Variants in AOAH observed in about 807,000 individuals in gnomAD.
AOAH encodes the protein acyloxyacyl hydrolase.
Under a neutral mutation model 92.2 loss-of-function variants are expected in AOAH, and 64 were observed. The observed-to-expected ratio is 0.69, with a 90% CI of 0.57 to 0.86. The LOEUF (loss-of-function observed/expected upper bound fraction) is 0.86. Among genes scored for constraint, AOAH ranks in the 40% least tolerant of loss-of-function variants. The probability of loss-of-function intolerance (pLI) is 0.00; values close to 1 mark genes in which losing one functional copy is unlikely to be tolerated. For missense variants in AOAH, 656 were observed against 694.6 expected, an observed-to-expected ratio of 0.94 and a Z score of 0.62; for synonymous variants, 263 against 254.5, an observed-to-expected ratio of 1.03 and a Z score of -0.32.
intron 4 of AOAH, among the ~76,000 whole-genome samples, chr7:36,643,112 A>G (rs557310374): frequency 6.6e-6 from 1 of 152,204 alleles, no homozygotes; most frequent in Non-Finnish European, 1.5e-5. Context: ...TAATAATTGC[A>G]ACATCAGCCT....
intron 13 of AOAH, among the ~76,000 whole-genome samples, chr7:36,550,795 C>G (rs187281601): frequency 6.6e-6 from 1 of 152,152 alleles, no homozygotes; most frequent in Admixed American, 6.5e-5. Flanking sequence ...AACTTCCAGC[C>G]TTGGAAGCTT....
rs760008993 is a variant in AOAH at position 36,513,030 on chromosome 7, G to A, written c.*222C>T. On this transcript the variant is annotated 3_prime_UTR_variant, in exon 21 of 21. Coordinates refer to ENST00000617537, the MANE Select transcript of AOAH (RefSeq NM_001637.4). ...ATGGCACCCAAAGCACTTTATGAAA[G>A]GTTATTTCAGGAACAGCGGAAGGGT... The A allele has an allele frequency of 2.6e-6, 4 of 1,534,694 alleles. No homozygotes were observed. The highest frequency in any genetic ancestry group is 3.5e-6 in the Non-Finnish European group (4 of 1,145,304).
intron 12 of AOAH, among the ~76,000 whole-genome samples, chr7:36,578,868 G>A (rs1018489205): frequency 2.4e-4 from 37 of 152,168 alleles, no homozygotes; most frequent in Non-Finnish European, 5.0e-4. Flanking sequence ...TATAAGAAAA[G>A]GGGTTTAATT....
intron 13 of AOAH, among the ~76,000 whole-genome samples, chr7:36,556,279 T>G (rs914911195): frequency 3.3e-5 from 5 of 152,202 alleles, no homozygotes; most frequent in African/African-American, 1.2e-4. Flanking sequence ...TCAGTTTCCA[T>G]GTAGTTGAGC....
intron 11 of AOAH, among the ~76,000 whole-genome samples, chr7:36,615,210 T>A (rs1358580338): frequency 6.6e-6 from 1 of 152,238 alleles, no homozygotes; most frequent in African/African-American, 2.4e-5. Flanking sequence ...TTCAGTGCTG[T>A]TACAGTGGCA....
intron 13 of AOAH, among the ~76,000 whole-genome samples, chr7:36,561,178 A>T (rs1348526063): frequency 1.3e-5 from 2 of 151,500 alleles, no homozygotes; most frequent in Non-Finnish European, 2.9e-5. Flanking sequence ...TGTAGCTGGG[A>T]TTACCAGCAC....
chr7:36,607,374 C>T (rs1033429011), intron 11 of AOAH, among the ~76,000 whole-genome samples: 27 of 152,166 alleles, frequency 1.8e-4, no homozygotes, highest in Non-Finnish European at 3.1e-4. Flanking sequence ...CATGTCTGGG[C>T]TTCCTGAAGG....
At chr7:36,673,235 G>A (rs1016701044) in intron 3 of AOAH, among the ~76,000 whole-genome samples, 2 of 152,250 alleles carry the variant, frequency 1.3e-5, no homozygotes, top group South Asian at 2.1e-4. Context: ...TCAGTGCCCT[G>A]AGCTCAAAAA....
At chr7:36,658,382 C>T (rs1795011093) in intron 4 of AOAH, among the ~76,000 whole-genome samples, 1 of 152,062 alleles carries the variant, frequency 6.6e-6, no homozygotes, top group East Asian at 1.9e-4. Flanking sequence ...AGAAAGAAGG[C>T]AAAGAATTTT....
intron 15 of AOAH, among the ~76,000 whole-genome samples, chr7:36,543,858 G>A (rs2116238640): frequency 6.6e-6 from 1 of 151,936 alleles, no homozygotes; most frequent in South Asian, 2.1e-4. Flanking sequence ...TTCATGGGAC[G>A]ATCACCCCTC....
At chr7:36,719,952 A>G (rs1799512511) in intron 1 of AOAH, among the ~76,000 whole-genome samples, 1 of 151,778 alleles carries the variant, frequency 6.6e-6, no homozygotes, top group Admixed American at 6.6e-5. Context: ...AAAAAAAAAA[A>G]AGATGAATCA....
chr7:36,674,032 T>C, intron 2 of AOAH, 23 bp from the exon 3 acceptor site: 1 of 1,443,690 alleles, frequency 6.9e-7, no homozygotes, highest in Non-Finnish European at 9.7e-7. Context: ...AAGAGGGAAA[T>C]TGAATATATT....
chr7:36,721,871 T>C (rs1187682709), intron 1 of AOAH, among the ~76,000 whole-genome samples: 1 of 152,218 alleles, frequency 6.6e-6, no homozygotes, highest in African/African-American at 2.4e-5. Context: ...ATGCTGTGCC[T>C]GTTTCCAGAC....
rs553242540 is a variant in AOAH at position 36,650,935 on chromosome 7, C to T, written c.390+8231G>A. On this transcript the variant is annotated intron_variant, in intron 4 of 20. Transcript: ENST00000617537. ...TTCAGAGAGGTTGGTCAGGGAGGGT[C>T]TTCCTGGAGAGGGGGTACTTAAACC... Among the ~76,000 whole-genome samples, 5 of 152,282 alleles carry T rather than the reference C, an allele frequency of 3.3e-5. No homozygotes were observed. In the South Asian group the frequency reaches 8.3e-4, roughly 25 times the overall value.
chr7:36,718,918 G>A (rs1421691772), intron 1 of AOAH, among the ~76,000 whole-genome samples: 3 of 152,204 alleles, frequency 2.0e-5, no homozygotes, highest in Non-Finnish European at 4.4e-5. Flanking sequence ...CTTTAAAAGA[G>A]TGAAGTTTAT....
At chr7:36,683,343 A>C (rs912365985) in intron 2 of AOAH, among the ~76,000 whole-genome samples, 8 of 152,184 alleles carry the variant, frequency 5.3e-5, no homozygotes, top group Non-Finnish European at 8.8e-5. Flanking sequence ...AATTCATAGA[A>C]GGGCTGGTGG....
rs528698610 is a variant in AOAH, at chr7:36,669,341, T to G, written c.290+4602A>C. On this transcript the variant is annotated intron_variant, in intron 3 of 20. Coordinates refer to ENST00000617537, the MANE Select transcript of AOAH (RefSeq NM_001637.4). Reference sequence around the variant, plus strand: ...TAATTATTTCTATAAATCTTGTAATTATCTTGGGAATAACAGAATTATATT... The same window carrying G: ...TAATTATTTCTATAAATCTTGTAATGATCTTGGGAATAACAGAATTATATT... 4.6e-5 allele frequency among the ~76,000 whole-genome samples: 7 copies of G among 152,062 alleles called. No homozygotes were observed. The South Asian group carries it at 1.2e-3, about 27-fold the overall frequency.
At chr7:36,577,297 T>C (rs998059468) in intron 12 of AOAH, among the ~76,000 whole-genome samples, 3 of 152,148 alleles carry the variant, frequency 2.0e-5, no homozygotes, top group Non-Finnish European at 2.9e-5. Context: ...AATGATTGAA[T>C]GGTGATTCTG....
At chr7:36,527,345 A>G (rs1784450753) in intron 19 of AOAH, among the ~76,000 whole-genome samples, 1 of 152,274 alleles carries the variant, frequency 6.6e-6, no homozygotes. Context: ...CACAATTGTC[A>G]GATCACATAC....
Sources: allele counts gnomAD v4.1 joint callset (sites outside exome capture counted in the v4.1 genomes callset), GRCh38; gene constraint gnomAD v4.1.1; transcripts MANE v1.5; gene names NCBI Gene and HGNC (gene_info 2026-07-23, HGNC 2026-07-21).